Variants in DGKB observed in about 807,000 individuals in gnomAD.
The protein encoded by DGKB is diacylglycerol kinase beta.
In DGKB, 67 loss-of-function variants were observed where a neutral mutation model predicts 114.3. That is an observed-to-expected ratio of 0.59 (90% CI 0.48 to 0.72). The LOEUF is 0.72. DGKB is among the 30% of genes least tolerant of loss of function. The pLI, the probability that DGKB is intolerant of heterozygous loss-of-function variation, is 0.00. For synonymous variants in DGKB, 398 were observed against 323.1 expected, an observed-to-expected ratio of 1.23 and a Z score of -2.49; for missense variants, 907 against 975.2, an observed-to-expected ratio of 0.93 and a Z score of 0.93.
chr7:14,418,766 C>G (rs1486187729), intron 21 of DGKB, among the ~76,000 whole-genome samples: 1 of 151,764 alleles, frequency 6.6e-6, no homozygotes, highest in Non-Finnish European at 1.5e-5. Flanking sequence ...AGCTTGTTGT[C>G]TTAGATTTTA....
At chr7:14,265,225 G>A (rs1437931656) in intron 23 of DGKB, among the ~76,000 whole-genome samples, 3 of 149,114 alleles carry the variant, frequency 2.0e-5, no homozygotes, top group Non-Finnish European at 1.5e-5. Context: ...GTTTCATACA[G>A]AGGGCTTCAG....
At position 14,841,303 on chromosome 7, in the gene DGKB, T is replaced by A. The variant is rs1414038260; in HGVS notation, c.-40A>T. The A allele has an allele frequency of 1.3e-6, 2 of 1,584,816 alleles. No individual in the cohort carries two copies. Among genetic ancestry groups the A allele is most frequent in the Admixed American group, 3.4e-5 (2 of 58,932 alleles). On this transcript the variant is annotated 5_prime_UTR_variant, in exon 2 of 26. Transcript: ENST00000402815. Reference sequence around the variant, plus strand: ...GCTCTGTCACATACCAGGTAAAAGATTCTTTATTCAGGTGTTGCGCAGAGG... The same window carrying A: ...GCTCTGTCACATACCAGGTAAAAGAATCTTTATTCAGGTGTTGCGCAGAGG...
In DGKB at chr7:14,828,982, T is replaced by C. The variant is rs117004108; in HGVS notation, c.70+12212A>G. Reference sequence around the variant, plus strand: ...CCAGACTAATGTTGCTAAGCAAGAATGTAAGTCAGAAGTTTATCAACAACC... The same window carrying C: ...CCAGACTAATGTTGCTAAGCAAGAACGTAAGTCAGAAGTTTATCAACAACC... On this transcript the variant is annotated intron_variant, in intron 2 of 25. Transcript: ENST00000402815. Among the ~76,000 whole-genome samples the C allele has an allele frequency of 5.3e-5, 8 of 152,168 alleles. No individual in the cohort carries two copies. In the East Asian group the frequency reaches 1.2e-3, roughly 22 times the overall value.
chr7:14,274,677 A>G (rs1189707405), intron 23 of DGKB, among the ~76,000 whole-genome samples: 4 of 152,064 alleles, frequency 2.6e-5, no homozygotes, highest in South Asian at 2.1e-4. Flanking sequence ...TGAATTTGGT[A>G]TCTGGTATTT....
chr7:14,468,214 A>C (rs1780763159), intron 21 of DGKB, among the ~76,000 whole-genome samples: 2 of 152,178 alleles, frequency 1.3e-5, no homozygotes, highest in Non-Finnish European at 2.9e-5. Flanking sequence ...ATCTATGAAC[A>C]TCAAAGGGGA....
intron 13 of DGKB, among the ~76,000 whole-genome samples, chr7:14,639,257 CTA>C (rs1310878430): frequency 6.6e-6 from 1 of 151,892 alleles, no homozygotes; most frequent in East Asian, 1.9e-4. Context: ...GAAAGGAAGA[CTA>C]GGGATTTAGT....
At chr7:14,782,105 A>T (rs1478237355) in intron 2 of DGKB, among the ~76,000 whole-genome samples, 3 of 148,574 alleles carry the variant, frequency 2.0e-5, no homozygotes, top group African/African-American at 7.5e-5. Flanking sequence ...GCTCACTGCA[A>T]CCTCTCCCTC....
chr7:14,543,332 T>C (rs1208833342), intron 20 of DGKB, among the ~76,000 whole-genome samples: 2 of 151,832 alleles, frequency 1.3e-5, no homozygotes, highest in African/African-American at 4.8e-5. Flanking sequence ...TGGTCCCAGC[T>C]ACTCAGGAGG....
At chr7:14,966,763 T>C (rs558377371) in intron 1 of DGKB, among the ~76,000 whole-genome samples, 60 of 152,298 alleles carry the variant, frequency 3.9e-4, no homozygotes, top group Non-Finnish European at 7.6e-4. Context: ...TTCTTTCCTT[T>C]TTTTGTCAGC....
At chr7:14,922,696 C>T (rs1405498303) in intron 1 of DGKB, among the ~76,000 whole-genome samples, 4 of 152,028 alleles carry the variant, frequency 2.6e-5, no homozygotes, top group South Asian at 4.1e-4. Context: ...CTCTCTGCTA[C>T]TAAATAGTTG....
At chr7:14,614,729 A>T (rs1472116293) in intron 15 of DGKB, among the ~76,000 whole-genome samples, 1 of 152,080 alleles carries the variant, frequency 6.6e-6, no homozygotes, top group Non-Finnish European at 1.5e-5. Flanking sequence ...ATTGACTGAG[A>T]TACTCGTAAT....
chr7:14,520,226 T>TTTG (rs71004309), intron 20 of DGKB, among the ~76,000 whole-genome samples: 1 of 150,082 alleles, frequency 6.7e-6, no homozygotes, highest in African/African-American at 2.4e-5. Flanking sequence ...TTTTTTTTTT[T>TTTG]GCAGGAGGCA....
chr7:14,685,453 A>T (rs1821520299), intron 9 of DGKB, 91 bp from the exon 10 acceptor site: 1 of 887,868 alleles, frequency 1.1e-6, no homozygotes. Flanking sequence ...GGACTGAAGC[A>T]TGTGAAGACA....
intron 20 of DGKB, among the ~76,000 whole-genome samples, chr7:14,500,677 C>T (rs1369544969): frequency 6.6e-6 from 1 of 151,800 alleles, no homozygotes; most frequent in East Asian, 1.9e-4. Flanking sequence ...GTGTTTTAAG[C>T]ATGGTGCCTG....
intron 2 of DGKB, among the ~76,000 whole-genome samples, chr7:14,838,832 T>C (rs950210129): frequency 2.6e-5 from 4 of 152,190 alleles, no homozygotes; most frequent in African/African-American, 7.2e-5. Flanking sequence ...CGGCATATTT[T>C]GATATGCTTG....
At chr7:14,498,798 T>C (rs1416042786) in intron 20 of DGKB, among the ~76,000 whole-genome samples, 3 of 151,778 alleles carry the variant, frequency 2.0e-5, no homozygotes, top group Non-Finnish European at 1.5e-5. Context: ...AATTACCTTA[T>C]ACAGCAATAT....
intron 20 of DGKB, among the ~76,000 whole-genome samples, chr7:14,517,846 C>T (rs1384159629): frequency 1.3e-5 from 2 of 152,088 alleles, no homozygotes; most frequent in Non-Finnish European, 2.9e-5. Context: ...AAAGGGAACA[C>T]TTATACACTG....
rs1448111741 is a variant in DGKB, at chr7:14,649,160, C to A, written c.1135-18892G>T. ...ATACAGAGAACGCCACAAAGATACT[C>A]CTCGAGAAGGGCAACTGTAAGACAC... On this transcript the variant is annotated intron_variant, in intron 13 of 25. Transcript: ENST00000402815. Among the ~76,000 whole-genome samples the A allele has an allele frequency of 4.8e-5, 6 of 124,458 alleles. No individual in the cohort carries two copies. The Admixed American group carries it at 5.5e-4, about 11-fold the overall frequency. The allele number at this position is 124,458 out of a possible 152,430, so 81.6% of individuals were successfully genotyped here.
chr7:14,856,244 A>G (rs915221959), intron 1 of DGKB, among the ~76,000 whole-genome samples: 1 of 152,262 alleles, frequency 6.6e-6, no homozygotes, highest in East Asian at 1.9e-4. Context: ...ATTCCAGATT[A>G]AAATTTGAAA....
Sources: gnomAD v4.1 joint callset for allele counts (sites outside exome capture counted in the v4.1 genomes callset) on GRCh38, gnomAD v4.1.1 for gene constraint, MANE v1.5 for transcripts, NCBI Gene and HGNC (gene_info 2026-07-23, HGNC 2026-07-21) for gene names.